CPNE4: variants seen among roughly 807,000 people sequenced by gnomAD.
CPNE4 encodes copine 4, also known as copine-4.
CPNE4 carries 25 observed loss-of-function variants against 67.9 expected under a neutral mutation model. The observed-to-expected ratio is 0.37, with a 90% CI of 0.27 to 0.51. CPNE4 has a LOEUF of 0.51. Ranked by LOEUF, CPNE4 falls within the 20% of genes least tolerant of loss-of-function variation. The probability of loss-of-function intolerance (pLI) is 0.93; values close to 1 mark genes in which losing one functional copy is unlikely to be tolerated. For missense variants in CPNE4, 464 were observed against 690.8 expected (o/e 0.67, Z 3.68); for synonymous variants, 242 against 244.9 (o/e 0.99, Z 0.11).
At chr3:131,743,929 C>CCGCAG (rs2082415490) in intron 2 of CPNE4, among the ~76,000 whole-genome samples, 1 of 115,420 alleles carries the variant, frequency 8.7e-6, no homozygotes, top group African/African-American at 3.4e-5. Context: ...CGCCACTGCA[C>CCGCAG]TCCAGCCTGG....
chr3:131,995,505 C>T (rs2073269466), intron 1 of CPNE4, among the ~76,000 whole-genome samples: 2 of 152,152 alleles, frequency 1.3e-5, no homozygotes, highest in South Asian at 4.1e-4. Context: ...ATCCTGACAC[C>T]TGTACTTACT....
intron 2 of CPNE4, among the ~76,000 whole-genome samples, chr3:131,796,673 C>T (rs2083926935): frequency 1.3e-5 from 2 of 152,214 alleles, no homozygotes; most frequent in South Asian, 4.1e-4. Flanking sequence ...TAATTTGCTG[C>T]TCTCTAGGGA....
intron 2 of CPNE4, among the ~76,000 whole-genome samples, chr3:131,838,724 T>C (rs188297717): frequency 2.5e-4 from 38 of 151,916 alleles, no homozygotes; most frequent in Non-Finnish European, 2.5e-4. Flanking sequence ...TTGTTTTTAT[T>C]TTTAAAACAA....
At chr3:131,686,053 G>T in intron 5 of CPNE4, 95 bp from the exon 6 acceptor site, 1 of 699,772 alleles carries the variant, frequency 1.4e-6, no homozygotes, top group Non-Finnish European at 2.4e-6. Context: ...AAACCCTCTT[G>T]ATTTCCTATT....
At chr3:132,011,728 T>C (rs1198522472) in intron 1 of CPNE4, among the ~76,000 whole-genome samples, 1 of 152,208 alleles carries the variant, frequency 6.6e-6, no homozygotes, top group African/African-American at 2.4e-5. Flanking sequence ...GTGACTTCTG[T>C]GATGAAATCA....
chr3:131,561,677 C>T (rs116525255), intron 11 of CPNE4, among the ~76,000 whole-genome samples: 1,941 of 152,072 alleles, frequency 0.013, 50 homozygotes, highest in African/African-American at 0.044. Flanking sequence ...GATTAGAAAC[C>T]TCTGTGTCAC....
chr3:131,585,439 G>A (rs1425841532), intron 8 of CPNE4, among the ~76,000 whole-genome samples: 1 of 152,098 alleles, frequency 6.6e-6, no homozygotes, highest in African/African-American at 2.4e-5. Context: ...TGGCTGGGTA[G>A]TTAAACTAAA....
intron 2 of CPNE4, among the ~76,000 whole-genome samples, chr3:131,763,534 C>T (rs941379070): frequency 6.6e-6 from 1 of 152,044 alleles, no homozygotes; most frequent in African/African-American, 2.4e-5. Flanking sequence ...AGATGAAGTC[C>T]TAGGCTAGCT....
At chr3:131,674,006 A>ATT (rs35368088) in intron 6 of CPNE4, among the ~76,000 whole-genome samples, 43 of 150,514 alleles carry the variant, frequency 2.9e-4, no homozygotes, top group Non-Finnish European at 4.0e-4. Flanking sequence ...AGTTTTTTGC[A>ATT]TTTTTTTTTA....
chr3:131,943,458 CAATA>C (rs2071458978), intron 1 of CPNE4, among the ~76,000 whole-genome samples: 1 of 152,130 alleles, frequency 6.6e-6, no homozygotes, highest in Non-Finnish European at 1.5e-5. Flanking sequence ...TCTGAGAGCT[CAATA>C]AATGTTACTA....
chr3:131,905,297 G>A lies in CPNE4; in HGVS notation c.147C>T (p.Ile49=), dbSNP rs142566206. Reference sequence around the variant, plus strand: ...ACTGCCCATGAGACTGCATCTTGAGGATGACACAGGGGTCTGGTTTGGAAA... The same window carrying A: ...ACTGCCCATGAGACTGCATCTTGAGAATGACACAGGGGTCTGGTTTGGAAA... The part of the protein sequence containing the change: ...DALSKPDPCV[I]LKMQSHGQWF... The change falls in exon 2 of 16, where the codon ATC becomes ATT. Residue 49 remains isoleucine, a synonymous_variant. Coordinates refer to ENST00000429747, the MANE Select transcript of CPNE4 (RefSeq NM_130808.3). The A allele has an allele frequency of 1.8e-5, 29 of 1,613,334 alleles. No homozygotes were observed. The highest frequency in any genetic ancestry group is 2.4e-5 in the Non-Finnish European group (28 of 1,179,626).
chr3:131,813,990 A>G (rs2084635778), intron 2 of CPNE4, among the ~76,000 whole-genome samples: 1 of 152,178 alleles, frequency 6.6e-6, no homozygotes, highest in African/African-American at 2.4e-5. Flanking sequence ...GACACACGGC[A>G]AGGGTCTAGG....
intron 3 of CPNE4, among the ~76,000 whole-genome samples, chr3:131,709,755 A>G (rs2081512569): frequency 6.6e-6 from 1 of 152,248 alleles, no homozygotes; most frequent in Non-Finnish European, 1.5e-5. Flanking sequence ...GTGAGGATTA[A>G]ATGAGATAAT....
intron 2 of CPNE4, among the ~76,000 whole-genome samples, chr3:131,860,263 G>C (rs1033600027): frequency 6.6e-6 from 1 of 152,148 alleles, no homozygotes; most frequent in African/African-American, 2.4e-5. Context: ...TAGTAGTTTA[G>C]TTATTGTTAC....
intron 1 of CPNE4, among the ~76,000 whole-genome samples, chr3:131,960,982 C>A (rs2072151729): frequency 6.6e-6 from 1 of 152,172 alleles, no homozygotes; most frequent in Non-Finnish European, 1.5e-5. Flanking sequence ...GGCATACAAG[C>A]TTGGTCCTAT....
chr3:131,582,835 C>A (rs954004030), intron 8 of CPNE4, among the ~76,000 whole-genome samples: 2 of 152,158 alleles, frequency 1.3e-5, no homozygotes, highest in African/African-American at 4.8e-5. Context: ...TGCTGAGGCA[C>A]AAATGCACGA....
intron 2 of CPNE4, among the ~76,000 whole-genome samples, chr3:131,801,415 C>CATGTGTATGT (rs1553774149): frequency 1.5e-5 from 1 of 66,088 alleles, no homozygotes; most frequent in Non-Finnish European, 2.7e-5. Context: ...TACATATATA[C>CATGTGTATGT]GTGTGTGTGT....
chr3:131,645,960 A>G (rs1294640118), intron 7 of CPNE4, among the ~76,000 whole-genome samples: 6 of 152,226 alleles, frequency 3.9e-5, no homozygotes, highest in Admixed American at 3.3e-4. Context: ...GAAACTATGC[A>G]TGAAAGGCTT....
At chr3:131,661,250 G>T in intron 7 of CPNE4, among the ~76,000 whole-genome samples, 1 of 152,256 alleles carries the variant, frequency 6.6e-6, no homozygotes, top group East Asian at 1.9e-4. Context: ...ATACTGAAGA[G>T]CAGAAATTAT....
Sources: gnomAD v4.1 joint callset for allele counts (sites outside exome capture counted in the v4.1 genomes callset) on GRCh38, gnomAD v4.1.1 for gene constraint, MANE v1.5 for transcripts, NCBI Gene and HGNC (gene_info 2026-07-23, HGNC 2026-07-21) for gene names.